TENM2: variants seen among roughly 807,000 people sequenced by gnomAD.
TENM2 encodes the protein teneurin transmembrane protein 2, also known as teneurin-2.
TENM2 carries 52 observed loss-of-function variants against 245.2 expected under a neutral mutation model. The observed-to-expected ratio is 0.21, with a 90% CI of 0.17 to 0.27. The LOEUF is 0.27. Ranked by LOEUF, TENM2 falls within the 10% of genes least tolerant of loss-of-function variation. The pLI, the probability that TENM2 is intolerant of heterozygous loss-of-function variation, is 1.00. For missense variants in TENM2, 3,046 were observed against 3,666.8 expected (o/e 0.83, Z 4.37); for synonymous variants, 1,363 against 1,438.9 (o/e 0.95, Z 1.19).
the TENM2 span, among the ~76,000 whole-genome samples, chr5:167,064,476 A>T: frequency 6.6e-6 from 1 of 152,208 alleles, no homozygotes; most frequent in Non-Finnish European, 1.5e-5. Context: ...TTTAAATCAC[A>T]TATCTTTACT....
intron 2 of TENM2, among the ~76,000 whole-genome samples, chr5:167,690,620 G>A (rs1004820670): frequency 1.7e-4 from 26 of 152,076 alleles, no homozygotes; most frequent in African/African-American, 5.8e-4. Flanking sequence ...GTAAAGAAAG[G>A]AGATTGGGTT....
the TENM2 span, among the ~76,000 whole-genome samples, chr5:167,158,351 TC>T: frequency 5.3e-5 from 8 of 152,236 alleles, no homozygotes; most frequent in East Asian, 1.5e-3. Context: ...CCTTACCATT[TC>T]CCTAAAGTCA....
At chr5:167,577,429 T>C (rs1017165432) in intron 2 of TENM2, among the ~76,000 whole-genome samples, 2 of 152,180 alleles carry the variant, frequency 1.3e-5, no homozygotes, top group African/African-American at 4.8e-5. Context: ...AAATGCTCCA[T>C]AGGATGTTTT....
chr5:167,684,368 G>A (rs996155660), intron 2 of TENM2, among the ~76,000 whole-genome samples: 30 of 152,176 alleles, frequency 2.0e-4, no homozygotes, highest in African/African-American at 7.0e-4. Context: ...CATTCTCTGT[G>A]CCTTCAGCAT....
At chr5:167,972,241 G>C (rs1316148801) in intron 4 of TENM2, among the ~76,000 whole-genome samples, 1 of 152,146 alleles carries the variant, frequency 6.6e-6, no homozygotes, top group Non-Finnish European at 1.5e-5. Context: ...TTTGAAGGTT[G>C]ATTATTTTAG....
chr5:167,550,511 A>G (rs1331944765), intron 2 of TENM2, among the ~76,000 whole-genome samples: 2 of 152,146 alleles, frequency 1.3e-5, no homozygotes, highest in Non-Finnish European at 2.9e-5. Context: ...CTCATTATGC[A>G]GACATCTTCG....
intron 1 of TENM2, among the ~76,000 whole-genome samples, chr5:167,307,304 T>C (rs1217660918): frequency 6.6e-6 from 1 of 152,198 alleles, no homozygotes; most frequent in African/African-American, 2.4e-5. Flanking sequence ...TGTTTATCTC[T>C]AATGTGTGTG....
chr5:167,689,292 TG>T (rs1365086253), intron 2 of TENM2, among the ~76,000 whole-genome samples: 1 of 152,144 alleles, frequency 6.6e-6, no homozygotes, highest in Non-Finnish European at 1.5e-5. Context: ...GCCAGGACGC[TG>T]GGGGGTCCTG....
At chr5:167,515,613 A>G (rs1288438370) in intron 2 of TENM2, among the ~76,000 whole-genome samples, 1 of 144,550 alleles carries the variant, frequency 6.9e-6, no homozygotes, top group Non-Finnish European at 1.5e-5. Context: ...AGGGCAATAT[A>G]TATATACATA....
chr5:167,405,675 A>G (rs1278039034), intron 2 of TENM2, among the ~76,000 whole-genome samples: 1 of 151,688 alleles, frequency 6.6e-6, no homozygotes, highest in African/African-American at 2.4e-5. Flanking sequence ...GTTTCTGTTC[A>G]TCTCTTCCTA....
intron 1 of TENM2, among the ~76,000 whole-genome samples, chr5:167,302,933 C>T (rs1394910031): frequency 6.6e-6 from 1 of 152,110 alleles, no homozygotes; most frequent in African/African-American, 2.4e-5. Context: ...GGCTGCCTTC[C>T]CGAGTCCGTG....
At position 168,165,648 on chromosome 5, in the gene TENM2, A is replaced by ACCCCCCC. The variant is rs34203413; in HGVS notation, c.2569+2901_2569+2907dup. Among the ~76,000 whole-genome samples, 143 of 30,924 alleles carry ACCCCCCC rather than the reference A, an allele frequency of 4.6e-3. 5 individuals carry two copies. The highest frequency in any genetic ancestry group is 5.6e-3 in the African/African-American group (35 of 6,252). 20.3% of individuals were successfully genotyped at this position (30,924 alleles called of 152,430 possible). On this transcript the variant is annotated intron_variant, in intron 13 of 28. Coordinates refer to ENST00000518659, the Ensembl canonical transcript of TENM2. ...GGCACAATTCAGGATCCCCCCCCCAACCCCCCCCCCCCCCCCGGCTGGCAG... is the reference window on the plus strand; with the variant it reads ...GGCACAATTCAGGATCCCCCCCCCAACCCCCCCCCCCCCCCCCCCCCCCGGCTGGCAG...
chr5:167,625,055 T>C (rs1422587705), intron 2 of TENM2, among the ~76,000 whole-genome samples: 1 of 152,116 alleles, frequency 6.6e-6, no homozygotes, highest in African/African-American at 2.4e-5. Flanking sequence ...AGCAAATCAC[T>C]TCCTTAAATC....
chr5:167,223,535 T>A, the TENM2 span, among the ~76,000 whole-genome samples: 1 of 152,164 alleles, frequency 6.6e-6, no homozygotes, highest in Non-Finnish European at 1.5e-5. Flanking sequence ...TCTTTTTTAA[T>A]GGCCAGATAA....
the TENM2 span, among the ~76,000 whole-genome samples, chr5:167,273,393 G>A: frequency 6.6e-6 from 1 of 152,094 alleles, no homozygotes; most frequent in Non-Finnish European, 1.5e-5. Context: ...CCTTCCTACT[G>A]CTTCAAGGCA....
chr5:168,075,354 G>C (rs1791378509), intron 7 of TENM2, among the ~76,000 whole-genome samples: 1 of 152,124 alleles, frequency 6.6e-6, no homozygotes, highest in Non-Finnish European at 1.5e-5. Flanking sequence ...GATTTGGGCT[G>C]GTTCCATATT....
chr5:167,423,057 A>G (rs1763602489), intron 2 of TENM2, among the ~76,000 whole-genome samples: 1 of 152,060 alleles, frequency 6.6e-6, no homozygotes, highest in African/African-American at 2.4e-5. Context: ...ACTAAGAAGA[A>G]AAAGTCACCC....
chr5:168,254,913 G>A (rs1200892380), intron 27 of TENM2, among the ~76,000 whole-genome samples: 1 of 152,064 alleles, frequency 6.6e-6, no homozygotes, highest in Non-Finnish European at 1.5e-5. Context: ...GGGGCATGGT[G>A]GTGCGTGCCT....
chr5:168,253,426 T>TA (rs1164361569), intron 27 of TENM2, among the ~76,000 whole-genome samples: 57 of 144,504 alleles, frequency 3.9e-4, no homozygotes, highest in African/African-American at 4.7e-4. Flanking sequence ...CATTCATTAT[T>TA]TTATTTTTTT....
Sources: gnomAD v4.1 joint callset for allele counts (sites outside exome capture counted in the v4.1 genomes callset) on GRCh38, gnomAD v4.1.1 for gene constraint, MANE v1.5 for transcripts, NCBI Gene and HGNC (gene_info 2026-07-23, HGNC 2026-07-21) for gene names.